APBB1: variants seen among roughly 807,000 people sequenced by gnomAD.
APBB1 encodes amyloid beta precursor protein binding family B member 1, also known as adaptor protein FE65a2.
In APBB1, 22 loss-of-function variants were observed where a neutral mutation model predicts 78.4. That is an observed-to-expected ratio of 0.28 (90% CI 0.20 to 0.40). The LOEUF is 0.40. APBB1 is among the 10% of genes least tolerant of loss of function. The pLI is 1.00. For missense variants in APBB1, 749 were observed against 932.4 expected, an observed-to-expected ratio of 0.80 and a Z score of 2.56; for synonymous variants, 369 against 372.7, an observed-to-expected ratio of 0.99 and a Z score of 0.12.
intron 12 of APBB1, among the ~76,000 whole-genome samples, chr11:6,398,780 A>T (rs1284723883): frequency 6.6e-6 from 1 of 152,240 alleles, no homozygotes; most frequent in Non-Finnish European, 1.5e-5. Context: ...TCAAAACCTC[A>T]GTTCAATCCC....
chr11:6,395,519 A>T lies in APBB1; in HGVS notation c.*15T>A. On this transcript the variant is annotated 3_prime_UTR_variant, in exon 15 of 15. Transcript: ENST00000609360. This position sits in a 1 kb window ranked among gnomAD's most constrained non-coding sequence, Gnocchi z 5.2. ...GGGCCCAACACAAGCAGGTGGAGGG[A>T]AGGTGGGGGCTTCTTCATGGGGTAT... 6.5e-7 allele frequency: 1 copy of T among 1,531,780 alleles called. No homozygotes were observed. The allele number at this position is 1,531,780 out of a possible 1,614,324, so 94.9% of individuals were successfully genotyped here. A position where few individuals can be genotyped will look rare whatever the true frequency, so the allele number is the denominator to read the frequency against.
rs771737627 is a variant in APBB1, at chr11:6,401,101, G to C, written c.1589-29C>G. ...TGGGAAAGAAGAGAAGGTTGATCATGGTGGCAGACCTTGCTCACCCGCAGC... is the reference window on the plus strand; with the variant it reads ...TGGGAAAGAAGAGAAGGTTGATCATCGTGGCAGACCTTGCTCACCCGCAGC... On this transcript the variant is annotated intron_variant, in intron 11 of 14. Coordinates refer to ENST00000609360, the MANE Select transcript of APBB1 (RefSeq NM_001164.5). The surrounding 1 kb of genome is among the most constrained non-coding windows in gnomAD (Gnocchi z 4.5). 4 of 1,613,978 alleles carry C rather than the reference G, an allele frequency of 2.5e-6. No individual in the cohort carries two copies. The highest frequency in any genetic ancestry group is 2.7e-5 in the African/African-American group (2 of 74,890).
At chr11:6,417,923 T>A (rs1262896441) in intron 1 of APBB1, among the ~76,000 whole-genome samples, 1 of 152,230 alleles carries the variant, frequency 6.6e-6, no homozygotes, top group East Asian at 1.9e-4. Context: ...CTCCTGTTTG[T>A]CTTTCAAGGA....
chr11:6,402,404 A>G (rs1848570594), intron 7 of APBB1, 172 bp downstream of exon 7: 1 of 1,072,776 alleles, frequency 9.3e-7, no homozygotes, highest in Non-Finnish European at 1.3e-6. Context: ...TTAGGCGACT[A>G]TCTCCCAAGG....
At chr11:6,418,688 C>T (rs1002928359) in intron 1 of APBB1, among the ~76,000 whole-genome samples, 2 of 151,934 alleles carry the variant, frequency 1.3e-5, no homozygotes, top group Non-Finnish European at 2.9e-5. Flanking sequence ...ACCTGGGCCT[C>T]CCCTCCCCCA....
chr11:6,402,550 C>T (rs1286440661), intron 7 of APBB1, 26 bp downstream of exon 7: 1 of 1,609,922 alleles, frequency 6.2e-7, no homozygotes, highest in Non-Finnish European at 8.5e-7. Flanking sequence ...ACAGTACCAC[C>T]CCCTACCCCC....
At chr11:6,406,514 T>G (rs1401356009) in intron 2 of APBB1, among the ~76,000 whole-genome samples, 1 of 152,204 alleles carries the variant, frequency 6.6e-6, no homozygotes, top group African/African-American at 2.4e-5. Flanking sequence ...GATGCTAAAC[T>G]AATCAAGTAA....
chr11:6,410,148 G>A (rs1358478561), intron 2 of APBB1, among the ~76,000 whole-genome samples: 3 of 151,780 alleles, frequency 2.0e-5, no homozygotes, highest in South Asian at 2.1e-4. Context: ...ATGCATTGGC[G>A]GCAGCATAAC....
At chr11:6,419,439 G>C (rs911403085), upstream of APBB1, 1 of 161,818 alleles carries the variant, frequency 6.2e-6, no homozygotes, top group African/African-American at 2.4e-5. Context: ...GCGGCGCCGC[G>C]GCCGCGCGGG....
chr11:6,414,227 A>G (rs962825144), intron 1 of APBB1, among the ~76,000 whole-genome samples: 1 of 152,138 alleles, frequency 6.6e-6, no homozygotes, highest in African/African-American at 2.4e-5. Flanking sequence ...GTCTTTGTTT[A>G]TACTGCTCCC....
At chr11:6,404,321 T>C (rs1425339969) in intron 2 of APBB1, among the ~76,000 whole-genome samples, 1 of 152,168 alleles carries the variant, frequency 6.6e-6, no homozygotes, top group Non-Finnish European at 1.5e-5. Context: ...TGCACATGTA[T>C]GTGCAGGGGC....
intron 1 of APBB1, among the ~76,000 whole-genome samples, chr11:6,413,012 C>G (rs535707843): frequency 6.6e-6 from 1 of 152,196 alleles, no homozygotes; most frequent in African/African-American, 2.4e-5. Context: ...CAGGGACCCA[C>G]CCTCGGCCCC....
chr11:6,401,569 C>T lies in APBB1; in HGVS notation c.1503+5G>A, dbSNP rs979132220. The T allele has an allele frequency of 1.2e-5, 19 of 1,614,082 alleles. No homozygotes were observed. The highest frequency in any genetic ancestry group is 3.3e-5 in the Admixed American group (2 of 60,004). Reference sequence around the variant, plus strand: ...AACTAGTCCAGGGAGTGGAGGGGGCCGTGCCTTAGAGCAGATCTCATGCAG... The same window carrying T: ...AACTAGTCCAGGGAGTGGAGGGGGCTGTGCCTTAGAGCAGATCTCATGCAG... On this transcript the variant is annotated splice_donor_5th_base_variant and intron_variant, in intron 10 of 14. Coordinates refer to ENST00000609360, the MANE Select transcript of APBB1 (RefSeq NM_001164.5). This position sits in a 1 kb window ranked among gnomAD's most constrained non-coding sequence, Gnocchi z 4.5.
At chr11:6,414,196 C>G (rs968449115) in intron 1 of APBB1, among the ~76,000 whole-genome samples, 1 of 152,168 alleles carries the variant, frequency 6.6e-6, no homozygotes, top group African/African-American at 2.4e-5. Flanking sequence ...TGAAACATGT[C>G]GCACACTCTT....
chr11:6,403,814 A>AGTC lies in APBB1; in HGVS notation c.729_730insGAC (p.Phe243_Trp244insAsp). Reference sequence around the variant, plus strand: ...TCCGTCTCGAAGGCGTTGGGGTTCCAGAAGGAATCTGCCAGGTGGGAGGCT... The same window carrying AGTC: ...TCCGTCTCGAAGGCGTTGGGGTTCCAGTCGAAGGAATCTGCCAGGTGGGAGGCT... On this transcript the variant is annotated inframe_insertion, in exon 3 of 15. Transcript: ENST00000609360. The surrounding 1 kb of genome is among the most constrained non-coding windows in gnomAD (Gnocchi z 5.3). 6.5e-7 allele frequency: 1 copy of AGTC among 1,545,494 alleles called. No homozygotes were observed. Among genetic ancestry groups the AGTC allele is most frequent in the South Asian group, 1.2e-5 (1 of 80,506 alleles).
chr11:6,407,923 G>C (rs373707865), intron 2 of APBB1, among the ~76,000 whole-genome samples: 15 of 151,912 alleles, frequency 9.9e-5, no homozygotes, highest in African/African-American at 3.4e-4. Flanking sequence ...GGGACTACAG[G>C]CGCCCGCCAC....
chr11:6,397,736 C>T (rs572647125), intron 12 of APBB1, among the ~76,000 whole-genome samples: 3 of 152,222 alleles, frequency 2.0e-5, no homozygotes, highest in Admixed American at 6.5e-5. Context: ...CACACTGGGC[C>T]GTGGCCATCT....
intron 7 of APBB1, 156 bp downstream of exon 7, chr11:6,402,420 G>C (rs573449336): frequency 1.4e-5 from 15 of 1,081,118 alleles, no homozygotes; most frequent in Admixed American, 1.2e-4. Flanking sequence ...CAAGGTCCTG[G>C]CCTGGGGTCG....
At chr11:6,404,916 C>A (rs915548411) in intron 2 of APBB1, 46 of 1,472,724 alleles carry the variant, frequency 3.1e-5, no homozygotes, top group Non-Finnish European at 3.9e-5. Context: ...GCCCCCTTCT[C>A]ACCAGGGCAG....
Sources: gnomAD v4.1 joint callset for allele counts (sites outside exome capture counted in the v4.1 genomes callset) on GRCh38, gnomAD v4.1.1 for gene constraint, Gnocchi (gnomAD v3.1) non-coding constraint, MANE v1.5 for transcripts, NCBI Gene and HGNC (gene_info 2026-07-23, HGNC 2026-07-21) for gene names.